VPS51: variants seen among roughly 807,000 people sequenced by gnomAD.
VPS51 encodes VPS51 subunit of GARP complex, also known as vacuolar protein sorting-associated protein 51 homolog.
VPS51 carries 55 observed loss-of-function variants against 65.1 expected under a neutral mutation model. That is an observed-to-expected ratio of 0.84 (90% confidence interval 0.68 to 1.06). VPS51 has a LOEUF of 1.06. VPS51 is among the 50% of genes least tolerant of loss of function. VPS51 has a pLI of 0.00. For missense variants in VPS51, 943 were observed against 1,101.6 expected (o/e 0.86, Z 2.04); for synonymous variants, 473 against 489.5 (o/e 0.97, Z 0.44).
chr11:65,101,329 A>T (rs922197926), intron 2 of VPS51, among the ~76,000 whole-genome samples: 2 of 152,178 alleles, frequency 1.3e-5, no homozygotes, highest in Non-Finnish European at 2.9e-5. Context: ...CCAACCTCTC[A>T]CCTAGACATT....
chr11:65,104,473 A>G (rs1947829213), intron 2 of VPS51, among the ~76,000 whole-genome samples: 4 of 152,186 alleles, frequency 2.6e-5, no homozygotes, highest in Admixed American at 2.6e-4. Context: ...CTCATATGTT[A>G]TTGAGAGTTT....
chr11:65,109,878 C>T lies in VPS51; in HGVS notation c.1833C>T (p.Ala611=), dbSNP rs554166204. 79 of 1,610,890 alleles carry T rather than the reference C, an allele frequency of 4.9e-5. 1 individual carries two copies. In the Admixed American group the frequency reaches 6.5e-4, roughly 13 times the overall value. ...CTCTGGAGCCCCGGAATGTGCGGGC[C>T]GTCATGAAGCGGGTGGTGGAGGATA... is the stretch of plus-strand genomic sequence containing the variant. ...LSTLEPRNVR[A]VMKRVVEDTT... Residue 611 remains alanine (A), a synonymous_variant, in exon 7 of 10, where the codon GCC becomes GCT. Transcript: ENST00000279281.
chr11:65,111,219 C>T lies in VPS51; in HGVS notation c.2089-108C>T, dbSNP rs1351462730. The T allele has an allele frequency of 4.6e-6, 7 of 1,514,858 alleles. No individual in the cohort carries two copies. The African/African-American group carries it at 8.8e-5, about 19-fold the overall frequency. 93.8% of individuals were successfully genotyped at this position (1,514,858 alleles called of 1,614,324 possible). On this transcript the variant is annotated intron_variant, in intron 9 of 9. Transcript: ENST00000279281. Reference sequence around the variant, plus strand: ...ATCTGGCCCCGGAGACTTTCTGCCTCATCCCAGCTACTTCCATCGTATGTC... The same window carrying T: ...ATCTGGCCCCGGAGACTTTCTGCCTTATCCCAGCTACTTCCATCGTATGTC...
chr11:65,111,058 GTCCTCCC>G, intron 9 of VPS51: 1 of 694,642 alleles, frequency 1.4e-6, no homozygotes, highest in Non-Finnish European at 2.5e-6. Flanking sequence ...GTAGTCTTGG[GTCCTCCC>G]CAGGGTTTTC....
At position 65,111,347 on chromosome 11, in the gene VPS51, C is replaced by A. The variant is rs550244581; in HGVS notation, c.2109C>A (p.Ile703=). 1.4e-5 allele frequency: 23 copies of A among 1,606,182 alleles called. No individual in the cohort carries two copies. Among genetic ancestry groups the A allele is most frequent in the Non-Finnish European group, 1.7e-5 (20 of 1,179,586 alleles). ...EFNKVSVLTG[I]IKISLKTLLE... ...TGCAGGTGTCGGTGCTGACCGGCAT[C>A]ATCAAGATCAGCCTGAAGACGCTGC... The change falls in exon 10 of 10, where the codon ATC becomes ATA. Residue 703 remains isoleucine, a synonymous_variant. Transcript: ENST00000279281.
chr11:65,107,728 G>T lies in VPS51; in HGVS notation c.505+1G>T. The T allele has an allele frequency of 6.2e-7, 1 of 1,607,326 alleles. No individual in the cohort carries two copies. Among genetic ancestry groups the T allele is most frequent in the East Asian group, 2.2e-5 (1 of 44,680 alleles). ...CACGAGCGCATCACCAAGCTGGCAG[G>T]TGGGCGCTGCCGGGCAGGGCCTGCA... On this transcript the variant is annotated splice_donor_variant, in intron 3 of 9. Coordinates refer to ENST00000279281, the MANE Select transcript of VPS51 (RefSeq NM_013265.4). LOFTEE classifies it high-confidence loss of function. This position sits in a 1 kb window ranked among gnomAD's most constrained non-coding sequence, Gnocchi z 4.0.
chr11:65,108,428 G>A lies in VPS51; in HGVS notation c.957G>A (p.Ala319=). The A allele has an allele frequency of 1.2e-6, 2 of 1,611,846 alleles. No individual in the cohort carries two copies. The highest frequency in any genetic ancestry group is 8.5e-7 in the Non-Finnish European group (1 of 1,179,640). The change falls in exon 5 of 10, where the codon GCG becomes GCA. Residue 319 remains alanine, a synonymous_variant. Transcript: ENST00000279281. ...TCGTGGGCGGCCTCTGCCAGGTGGCGGCGGCCTACCAGGAGCTGTTTGCGG... is the reference window on the plus strand; with the variant it reads ...TCGTGGGCGGCCTCTGCCAGGTGGCAGCGGCCTACCAGGAGCTGTTTGCGG... The part of the protein sequence containing the change: ...SGFVGGLCQV[A]AAYQELFAAQ...
chr11:65,099,129 G>A (rs536577694), intron 2 of VPS51, among the ~76,000 whole-genome samples: 2 of 152,190 alleles, frequency 1.3e-5, no homozygotes, highest in South Asian at 2.1e-4. Context: ...TGGAGGTTGC[G>A]TGAGGAAGGT....
chr11:65,105,487 T>C (rs1320347038), intron 2 of VPS51: 1 of 152,154 alleles, frequency 6.6e-6, no homozygotes, highest in African/African-American at 2.4e-5. Context: ...GCAAACTGTG[T>C]GCTTCCTATG....
In VPS51 at chr11:65,096,447, C is replaced by T. The variant is rs778695738; in HGVS notation, c.197C>T (p.Ala66Val). The T allele has an allele frequency of 5.5e-6, 8 of 1,458,490 alleles. No individual in the cohort carries two copies. Among genetic ancestry groups the T allele is most frequent in the South Asian group, 4.9e-5 (4 of 81,564 alleles). 90.3% of individuals were successfully genotyped at this position (1,458,490 alleles called of 1,614,324 possible). ...DPLDPTDLNGAHFDPEVYLDK... is the reference protein window; with the variant it reads ...DPLDPTDLNGVHFDPEVYLDK... The stretch of plus-strand genomic sequence containing the variant: ...CTGGACCCGACTGATCTGAACGGGG[C>T]GCACTTCGACCCGGAAGTTTACCTA... Residue 66 changes from alanine (A) to valine (V), a missense_variant, in exon 1 of 10, where the codon GCG becomes GTG. This residue lies in a region of VPS51 where 855 missense variants were observed against 953.7 expected (regional missense o/e 0.90). Coordinates refer to ENST00000279281, the MANE Select transcript of VPS51 (RefSeq NM_013265.4).
intron 2 of VPS51, among the ~76,000 whole-genome samples, chr11:65,102,980 C>T (rs1198068278): frequency 6.6e-6 from 1 of 152,130 alleles, no homozygotes; most frequent in Non-Finnish European, 1.5e-5. Flanking sequence ...CATCTCTACA[C>T]AAAATTTAAA....
Position 65,109,768 on chromosome 11 carries a change from C to A in VPS51, c.1723C>A (p.Leu575Met). The change falls in exon 7 of 10, where the codon CTG (leucine) becomes ATG (methionine). Residue 575 changes from leucine to methionine, a missense_variant. This residue lies in a region of VPS51 where 855 missense variants were observed against 953.7 expected (regional missense o/e 0.90). Coordinates refer to ENST00000279281, the MANE Select transcript of VPS51 (RefSeq NM_013265.4). ...CAEARETARR[L>M]LTHYVKVQGL... ...AGAGGCCAGGGAAACGGCGCGGCGGCTGCTGACCCACTACGTGAAGGTGCA... is the reference window on the plus strand; with the variant it reads ...AGAGGCCAGGGAAACGGCGCGGCGGATGCTGACCCACTACGTGAAGGTGCA... 1 of 1,601,874 alleles carries A rather than the reference C, an allele frequency of 6.2e-7. No individual in the cohort carries two copies. The highest frequency in any genetic ancestry group is 8.5e-7 in the Non-Finnish European group (1 of 1,175,108).
At chr11:65,106,931 G>A (rs1947845876) in intron 2 of VPS51, among the ~76,000 whole-genome samples, 1 of 152,108 alleles carries the variant, frequency 6.6e-6, no homozygotes. Flanking sequence ...GAGGGTTGTG[G>A]CTTGATGGCA....
intron 4 of VPS51, 82 bp downstream of exon 4, chr11:65,108,104 T>G: frequency 6.6e-7 from 1 of 1,519,536 alleles, no homozygotes; most frequent in Non-Finnish European, 8.8e-7. Context: ...CTCCTGGAGC[T>G]GTCCCCCTGC....
Position 65,107,837 on chromosome 11 carries a change from CT to C in VPS51, c.543del (p.Phe181LeufsTer104). ...HALLRKLQFL[F>X]ELPSRLTKCV... ...CGCTGCTGCGGAAGCTGCAGTTCCT[CT>C]TTGAGCTGCCCTCGCGCCTCACCAA... On this transcript the variant is annotated frameshift_variant, in exon 4 of 10. Coordinates refer to ENST00000279281, the MANE Select transcript of VPS51 (RefSeq NM_013265.4). LOFTEE classifies it high-confidence loss of function. The surrounding 1 kb of genome is among the most constrained non-coding windows in gnomAD (Gnocchi z 4.0). 1.3e-6 allele frequency: 2 copies of C among 1,556,274 alleles called. No homozygotes were observed. The highest frequency in any genetic ancestry group is 1.7e-6 in the Non-Finnish European group (2 of 1,151,592).
chr11:65,107,933 G>C lies in VPS51; in HGVS notation c.636G>C (p.Gln212His). Residue 212 changes from glutamine to histidine, a missense_variant, in exon 4 of 10, where the codon CAG (glutamine) becomes CAC (histidine). Gln to His is a conservative substitution (Grantham distance 24). This residue lies in a region of VPS51 where 855 missense variants were observed against 953.7 expected (regional missense o/e 0.90). Transcript: ENST00000279281. This position sits in a 1 kb window ranked among gnomAD's most constrained non-coding sequence, Gnocchi z 4.0. The stretch of plus-strand genomic sequence containing the variant: ...GCCGCGCGCAGGCCGTGCTGCAGCA[G>C]TACCAACACCTGCCCTCGTTCCGCG... The part of the protein sequence containing the change: ...YQGRAQAVLQ[Q>H]YQHLPSFRAI... The C allele has an allele frequency of 6.4e-7, 1 of 1,564,352 alleles. No homozygotes were observed. Among genetic ancestry groups the C allele is most frequent in the Non-Finnish European group, 8.6e-7 (1 of 1,157,020 alleles).
Position 65,107,752 on chromosome 11 carries a change from C to T in VPS51, c.505+25C>T. The stretch of plus-strand genomic sequence containing the variant: ...GGTGGGCGCTGCCGGGCAGGGCCTG[C>T]AGTGGGCCTTTCCTGGGGCTCTGGG... On this transcript the variant is annotated intron_variant, in intron 3 of 9. Coordinates refer to ENST00000279281, the MANE Select transcript of VPS51 (RefSeq NM_013265.4). This position sits in a 1 kb window ranked among gnomAD's most constrained non-coding sequence, Gnocchi z 4.0. 2 of 1,605,228 alleles carry T rather than the reference C, an allele frequency of 1.2e-6. No homozygotes were observed. The highest frequency in any genetic ancestry group is 2.2e-5 in the South Asian group (2 of 90,882).
rs560380686 is a variant in VPS51, at chr11:65,096,547, C to G, written c.228+69C>G. 612 of 1,309,040 alleles carry G rather than the reference C, an allele frequency of 4.7e-4. 13 individuals are homozygous for G. In the South Asian group the frequency reaches 8.8e-3, roughly 19 times the overall value. The allele number at this position is 1,309,040 out of a possible 1,614,324, so 81.1% of individuals were successfully genotyped here. ...GGAACCAGGCCCCTGCTATATTGCT[C>G]CCCCAGATCATGCCTCCGACTTTTT... On this transcript the variant is annotated intron_variant, in intron 1 of 9. Coordinates refer to ENST00000279281, the MANE Select transcript of VPS51 (RefSeq NM_013265.4).
intron 2 of VPS51, among the ~76,000 whole-genome samples, chr11:65,105,138 G>A (rs1590811696): frequency 1.3e-5 from 2 of 152,076 alleles, no homozygotes; most frequent in South Asian, 2.1e-4. Context: ...GGTGGCTCCC[G>A]CCTGTAATCC....
Sources: gnomAD v4.1 joint callset for allele counts (sites outside exome capture counted in the v4.1 genomes callset) on GRCh38, gnomAD v4.1.1 for gene constraint, gnomAD v4.1.1 regional missense constraint, Gnocchi (gnomAD v3.1) non-coding constraint, MANE v1.5 for transcripts, NCBI Gene and HGNC (gene_info 2026-07-23, HGNC 2026-07-21) for gene names.